Variants in PPEF1 observed in about 807,000 individuals in gnomAD.
PPEF1 encodes the protein serine/threonine-protein phosphatase with EF-hands 1.
In PPEF1, 12 loss-of-function variants were observed where a neutral mutation model predicts 53.3. The observed-to-expected ratio is 0.23, with a 90% CI of 0.14 to 0.36. PPEF1 has a LOEUF of 0.36. PPEF1 is among the 10% of genes least tolerant of loss of function. The pLI is 1.00. For missense variants in PPEF1, 334 were observed against 490.4 expected (o/e 0.68, Z 3.01); for synonymous variants, 165 against 176.7 (o/e 0.93, Z 0.52).
At chrX:18,758,195 G>A (rs1487373905) in intron 5 of PPEF1, among the ~76,000 whole-genome samples, 1 of 111,549 alleles carries the variant, frequency 9.0e-6, no homozygotes, top group South Asian at 3.9e-4. Context: ...TTAGAAGAGT[G>A]GGAATGTCCC....
chrX:18,814,469 A>C (rs926434771), intron 12 of PPEF1, among the ~76,000 whole-genome samples: 2 of 112,037 alleles, frequency 1.8e-5, no homozygotes, highest in African/African-American at 6.5e-5. Context: ...GCGGTGTATA[A>C]GCATTCCCTT....
At chrX:18,742,802 T>G (rs1160822878) in intron 3 of PPEF1, among the ~76,000 whole-genome samples, 1 of 108,829 alleles carries the variant, frequency 9.2e-6, no homozygotes, top group East Asian at 2.9e-4. Flanking sequence ...TGAGCCAAAA[T>G]CGTGCTACTG....
intron 6 of PPEF1, among the ~76,000 whole-genome samples, chrX:18,775,848 C>T (rs2045955605): frequency 8.9e-6 from 1 of 112,403 alleles, no homozygotes; most frequent in African/African-American, 3.2e-5. Context: ...TTTCTAGGTA[C>T]CCCTAAATGC....
rs990763820 is a variant in PPEF1 at position 18,749,937 on chromosome X, C to T, written c.381C>T (p.Ala127=). ...TCTDIDLLLE[A]FKEQQILHAH... ...CGGATATTGATTTACTTCTTGAGGC[C>T]TTCAAGGAACAACAGGTAAGTGGAA... The change falls in exon 4 of 16, where the codon GCC becomes GCT. Residue 127 remains alanine, a synonymous_variant. Transcript: ENST00000470157. 1.7e-6 allele frequency: 2 copies of T among 1,204,132 alleles called. No homozygotes were observed. The highest frequency in any genetic ancestry group is 3.5e-5 in the African/African-American group (2 of 57,510).
chrX:18,789,152 C>T lies in PPEF1; in HGVS notation c.944C>T (p.Thr315Ile). The T allele has an allele frequency of 1.5e-5, 18 of 1,211,456 alleles. No homozygotes were observed. Among genetic ancestry groups the T allele is most frequent in the South Asian group, 3.5e-5 (2 of 56,910 alleles). The change falls in exon 10 of 16, where the codon ACA becomes ATA. Residue 315 changes from threonine to isoleucine, a missense_variant. Physicochemically the swap from Thr to Ile is moderately conservative, Grantham distance 89. Transcript: ENST00000470157. ...MKSVLIPPTE[T>I]NRDHDTDSKH... ...TCTGTGCTGATACCACCAACGGAAACAAACAGAGACCATGACACTGACTCG... is the reference window on the plus strand; with the variant it reads ...TCTGTGCTGATACCACCAACGGAAATAAACAGAGACCATGACACTGACTCG...
At chrX:18,821,807 AC>A (rs2047065058) in intron 13 of PPEF1, among the ~76,000 whole-genome samples, 10 of 80,489 alleles carry the variant, frequency 1.2e-4, no homozygotes, top group African/African-American at 4.5e-4. Flanking sequence ...GAGAGAGAAA[AC>A]AAATAACCAG....
chrX:18,804,011 G>A lies in PPEF1; in HGVS notation c.1185G>A (p.Gln395=). 8.3e-7 allele frequency: 1 copy of A among 1,205,540 alleles called. No individual in the cohort carries two copies. Among genetic ancestry groups the A allele is most frequent in the Non-Finnish European group, 1.1e-6 (1 of 890,333 alleles). Residue 395 remains glutamine, a synonymous_variant, in exon 11 of 16, where the codon CAG becomes CAA. Coordinates refer to ENST00000470157, the MANE Select transcript of PPEF1 (RefSeq NM_001377996.1). ...CTTCCAAGATTCTTAATAAATACCA[G>A]TTGAAGATGCTCATCAGGTCTCATG... ...DVTSKILNKY[Q]LKMLIRSHEC...
At chrX:18,799,266 C>T (rs1223168981) in intron 10 of PPEF1, among the ~76,000 whole-genome samples, 1 of 103,107 alleles carries the variant, frequency 9.7e-6, no homozygotes, top group East Asian at 3.1e-4. Flanking sequence ...TCTAGCTGGG[C>T]GTGGTGGCAC....
intron 10 of PPEF1, among the ~76,000 whole-genome samples, chrX:18,802,021 T>C (rs1433443987): frequency 9.3e-6 from 1 of 108,051 alleles, no homozygotes; most frequent in East Asian, 2.9e-4. Flanking sequence ...ACATTACAGA[T>C]AGATGAGAGC....
At chrX:18,744,700 C>T (rs1365848897) in intron 3 of PPEF1, among the ~76,000 whole-genome samples, 1 of 108,675 alleles carries the variant, frequency 9.2e-6, no homozygotes, top group Non-Finnish European at 1.9e-5. Flanking sequence ...TTATATCTTC[C>T]ATTGGTTATC....
At chrX:18,689,421 A>G (rs1481322995) in intron 3 of PPEF1, among the ~76,000 whole-genome samples, 2 of 105,994 alleles carry the variant, frequency 1.9e-5, no homozygotes, top group Non-Finnish European at 2.0e-5. Context: ...GGTGGAGGCT[A>G]CAGTGAGCTA....
intron 7 of PPEF1, among the ~76,000 whole-genome samples, chrX:18,780,202 A>C (rs1267720120): frequency 8.9e-6 from 1 of 111,970 alleles, no homozygotes; most frequent in African/African-American, 3.2e-5. Flanking sequence ...CAGGTTTTTC[A>C]AGTGTGATGA....
intron 11 of PPEF1, among the ~76,000 whole-genome samples, 178 bp from the exon 12 acceptor site, chrX:18,806,225 T>TA (rs2046659556): frequency 9.0e-6 from 1 of 111,346 alleles, no homozygotes; most frequent in African/African-American, 3.3e-5. Flanking sequence ...GGACACTGGG[T>TA]AGTAGCCTTG....
chrX:18,772,808 G>A (rs2045895103), intron 6 of PPEF1, among the ~76,000 whole-genome samples: 1 of 112,343 alleles, frequency 8.9e-6, no homozygotes, highest in Non-Finnish European at 1.9e-5. Context: ...GATTGGGGCT[G>A]AGGGACCCAT....
At chrX:18,723,212 T>C (rs1388346508) in intron 1 of PPEF1, among the ~76,000 whole-genome samples, 1 of 111,216 alleles carries the variant, frequency 9.0e-6, no homozygotes, top group Non-Finnish European at 1.9e-5. Context: ...CTCAAACTCC[T>C]GATCTCAGGT....
chrX:18,821,092 G>C (rs1328875644), intron 13 of PPEF1, among the ~76,000 whole-genome samples: 1 of 107,682 alleles, frequency 9.3e-6, no homozygotes, highest in Non-Finnish European at 1.9e-5. Flanking sequence ...GCGTGGTGGC[G>C]GGCGCCTGTA....
At chrX:18,697,134 T>C (rs1456037140) in intron 4 of PPEF1, among the ~76,000 whole-genome samples, 1 of 112,093 alleles carries the variant, frequency 8.9e-6, no homozygotes, top group Admixed American at 9.5e-5. Flanking sequence ...CATAGTTTGC[T>C]ATTGCCATGG....
chrX:18,692,391 C>T (rs868460250), intron 4 of PPEF1, among the ~76,000 whole-genome samples: 7 of 112,127 alleles, frequency 6.2e-5, no homozygotes, highest in African/African-American at 9.7e-5. Context: ...CTTGTAACCA[C>T]AGCACCTAGC....
intron 6 of PPEF1, among the ~76,000 whole-genome samples, chrX:18,774,308 C>T (rs1296793087): frequency 1.8e-5 from 2 of 111,992 alleles, no homozygotes; most frequent in Non-Finnish European, 1.9e-5. Flanking sequence ...AGGCTGGTCT[C>T]GAACTCCCAA....
Sources: gnomAD v4.1 joint callset for allele counts (sites outside exome capture counted in the v4.1 genomes callset) on GRCh38, gnomAD v4.1.1 for gene constraint, MANE v1.5 for transcripts, NCBI Gene and HGNC (gene_info 2026-07-23, HGNC 2026-07-21) for gene names.